Variants in LRRK2 observed in about 807,000 individuals in gnomAD.
LRRK2 encodes leucine-rich repeat serine/threonine-protein kinase 2.
Under a neutral mutation model 302.6 loss-of-function variants are expected in LRRK2, and 203 were observed. The ratio of observed to expected loss-of-function variants is 0.67; its 90% CI spans 0.60 to 0.75. LRRK2 has a LOEUF of 0.75. Among genes scored for constraint, LRRK2 ranks in the 30% least tolerant of loss-of-function variants. The probability of loss-of-function intolerance (pLI) is 0.00; values close to 1 mark genes in which losing one functional copy is unlikely to be tolerated. For missense variants in LRRK2, 2,830 were observed against 2,951.0 expected, an observed-to-expected ratio of 0.96 and a Z score of 0.95; for synonymous variants, 1,066 against 1,031.9, an observed-to-expected ratio of 1.03 and a Z score of -0.63.
At chr12:40,280,768 C>G (rs1592214149) in intron 18 of LRRK2, among the ~76,000 whole-genome samples, 1 of 152,082 alleles carries the variant, frequency 6.6e-6, no homozygotes. Context: ...GAGGGAGACT[C>G]TGTCTCAAAA....
At position 40,322,386 on chromosome 12, in the gene LRRK2, G is replaced by T. The variant is rs111910483; in HGVS notation, c.5385G>T (p.Leu1795Phe). Reference protein sequence around the residue: ...DSLMEEWFPGLLEIDICGEGE... With the variant: ...DSLMEEWFPGFLEIDICGEGE... ...TCATGGAAGAATGGTTTCCTGGGTT[G>T]CTGGAGATTGATATTTGTGGTGAAG... The change falls in exon 37 of 51, where the codon TTG becomes TTT. Residue 1795 changes from leucine to phenylalanine, a missense_variant. Transcript: ENST00000298910. The T allele has an allele frequency of 1.2e-6, 2 of 1,613,650 alleles. No homozygotes were observed. Among genetic ancestry groups the T allele is most frequent in the Non-Finnish European group, 1.7e-6 (2 of 1,179,656 alleles).
chr12:40,363,904 A>G (rs1303404302), intron 48 of LRRK2, among the ~76,000 whole-genome samples: 1 of 151,948 alleles, frequency 6.6e-6, no homozygotes, highest in African/African-American at 2.4e-5. Context: ...TATGGGCCCC[A>G]GGATTATCTG....
chr12:40,302,339 T>C (rs1944662427), intron 25 of LRRK2, among the ~76,000 whole-genome samples: 1 of 152,128 alleles, frequency 6.6e-6, no homozygotes, highest in Admixed American at 6.6e-5. Flanking sequence ...CCATTATTAT[T>C]CCATAGAACA....
chr12:40,235,793 G>GTTTTTTT (rs36024911), intron 4 of LRRK2, 79 bp downstream of exon 4: 91 of 464,176 alleles, frequency 2.0e-4, no homozygotes, highest in East Asian at 3.5e-4. Context: ...GTGTGTGTGT[G>GTTTTTTT]TTTTTTTTTT....
At chr12:40,361,461 G>T (rs978038963) in intron 47 of LRRK2, among the ~76,000 whole-genome samples, 1 of 152,046 alleles carries the variant, frequency 6.6e-6, no homozygotes, top group East Asian at 1.9e-4. Context: ...CAGAAAGTGG[G>T]CATAGTGCTT....
At chr12:40,243,965 A>G (rs975613906) in intron 7 of LRRK2, among the ~76,000 whole-genome samples, 1 of 152,128 alleles carries the variant, frequency 6.6e-6, no homozygotes, top group African/African-American at 2.4e-5. Context: ...AGTTCTATAG[A>G]TGAGTTTTTT....
intron 47 of LRRK2, among the ~76,000 whole-genome samples, chr12:40,362,136 T>G (rs375755690): frequency 6.6e-6 from 1 of 151,982 alleles, no homozygotes; most frequent in African/African-American, 2.4e-5. Flanking sequence ...ATACGGAAAT[T>G]CCATGCAAAA....
chr12:40,343,291 C>T (rs959809823), intron 41 of LRRK2, among the ~76,000 whole-genome samples: 2 of 152,148 alleles, frequency 1.3e-5, no homozygotes, highest in African/African-American at 2.4e-5. Flanking sequence ...TCATATCCTG[C>T]TGGGAGTGAC....
Position 40,278,080 on chromosome 12 carries a change from ACT to A in LRRK2, c.2071-8_2071-7del. 6.2e-7 allele frequency: 1 copy of A among 1,613,684 alleles called. No homozygotes were observed. On this transcript the variant is annotated splice_polypyrimidine_tract_variant and intron_variant, in intron 17 of 50. Coordinates refer to ENST00000298910, the MANE Select transcript of LRRK2 (RefSeq NM_198578.4). ...TTATCTGACTCTAATTCTCATTTCC[ACT>A]CTTTTTAGTTTCTAAACCTCTGTTG...
At position 40,324,891 on chromosome 12, in the gene LRRK2, T is replaced by C. The variant is rs17466451; in HGVS notation, c.5656+1585T>C. Among the ~76,000 whole-genome samples, 655 of 152,300 alleles carry C rather than the reference T, an allele frequency of 4.3e-3. 2 individuals carry two copies. Among genetic ancestry groups the C allele is most frequent in the South Asian group, 0.022 (104 of 4,828 alleles). On this transcript the variant is annotated intron_variant, in intron 38 of 50. Coordinates refer to ENST00000298910, the MANE Select transcript of LRRK2 (RefSeq NM_198578.4). ...TCCTTCCTCTGAAGAAATCCCAAACTGTCAGACACAGATCCCTAAAATATT... is the reference window on the plus strand; with the variant it reads ...TCCTTCCTCTGAAGAAATCCCAAACCGTCAGACACAGATCCCTAAAATATT...
chr12:40,329,471 C>T (rs1174974540), intron 39 of LRRK2, among the ~76,000 whole-genome samples: 1 of 152,004 alleles, frequency 6.6e-6, no homozygotes, highest in Non-Finnish European at 1.5e-5. Context: ...GGTCTGTACT[C>T]ATAATTAAAT....
rs1413893960 is a variant in LRRK2, at chr12:40,295,618, A to G, written c.3070A>G (p.Thr1024Ala). 1.9e-6 allele frequency: 3 copies of G among 1,613,892 alleles called. No individual in the cohort carries two copies. Among genetic ancestry groups the G allele is most frequent in the Non-Finnish European group, 2.5e-6 (3 of 1,179,960 alleles). The change falls in exon 23 of 51, where the codon ACG becomes GCG. Residue 1024 changes from threonine (T) to alanine (A), a missense_variant. Coordinates refer to ENST00000298910, the MANE Select transcript of LRRK2 (RefSeq NM_198578.4). ...EKLELHQNALTSFPQQLCETL... is the reference protein window; with the variant it reads ...EKLELHQNALASFPQQLCETL... ...GCTGGAGCTTCACCAGAATGCACTC[A>G]CGAGCTTTCCACAACAGCTATGTGA... is the stretch of plus-strand genomic sequence containing the variant.
intron 18 of LRRK2, among the ~76,000 whole-genome samples, chr12:40,280,910 T>G (rs576403596): frequency 1.3e-5 from 2 of 150,590 alleles, no homozygotes; most frequent in East Asian, 3.9e-4. Context: ...ACTAAAAAAA[T>G]ACAAAAAATT....
intron 32 of LRRK2, among the ~76,000 whole-genome samples, chr12:40,314,904 T>C (rs1945164731): frequency 6.6e-6 from 1 of 152,088 alleles, no homozygotes; most frequent in Non-Finnish European, 1.5e-5. Context: ...AACATGTCTT[T>C]GTAGTGTGTA....
intron 48 of LRRK2, 56 bp downstream of exon 48, chr12:40,363,610 T>C (rs1946783909): frequency 1.3e-6 from 2 of 1,575,876 alleles, no homozygotes; most frequent in African/African-American, 1.4e-5. Context: ...GCACTTCATG[T>C]GTCACAGAGG....
At position 40,339,657 on chromosome 12, in the gene LRRK2, T is replaced by A. The variant is rs1945978099; in HGVS notation, c.5949-637T>A. Among the ~76,000 whole-genome samples the A allele has an allele frequency of 2.6e-5, 4 of 152,114 alleles. No individual in the cohort carries two copies. In the South Asian group the frequency reaches 8.3e-4, roughly 31 times the overall value. On this transcript the variant is annotated intron_variant, in intron 40 of 50. Transcript: ENST00000298910. ...TCTTTTTTAACCTTAATATCTAACA[T>A]GATTAGGTTTATGGTAAATTATATA...
chr12:40,363,316 T>G, intron 47 of LRRK2, 86 bp from the exon 48 acceptor site: 1 of 1,216,154 alleles, frequency 8.2e-7, no homozygotes, highest in Non-Finnish European at 1.1e-6. Flanking sequence ...GTTTTTACAT[T>G]AAGAACTAAT....
chr12:40,336,146 G>GT (rs1343613326), intron 40 of LRRK2, among the ~76,000 whole-genome samples: 1 of 151,986 alleles, frequency 6.6e-6, no homozygotes, highest in Non-Finnish European at 1.5e-5. Context: ...TATTTCTTGG[G>GT]TACAGTGCTC....
At chr12:40,304,399 T>C (rs1467110630) in intron 27 of LRRK2, 1 of 538,378 alleles carries the variant, frequency 1.9e-6, no homozygotes, top group African/African-American at 1.9e-5. Context: ...GTAGTAGCCT[T>C]AATACTTCCA....
Sources: allele counts gnomAD v4.1 joint callset (sites outside exome capture counted in the v4.1 genomes callset), GRCh38; gene constraint gnomAD v4.1.1; transcripts MANE v1.5; gene names NCBI Gene and HGNC (gene_info 2026-07-23, HGNC 2026-07-21).